CEP43: variants seen among roughly 807,000 people sequenced by gnomAD.
CEP43 encodes the protein centrosomal protein 43, also known as FGFR1 oncogene partner.
CEP43 carries 36 observed loss-of-function variants against 52.6 expected under a neutral mutation model. That is an observed-to-expected ratio of 0.68 (90% CI 0.52 to 0.90). CEP43 has a LOEUF of 0.90. Among genes scored for constraint, CEP43 ranks in the 40% least tolerant of loss-of-function variants. The pLI is 0.00. For missense variants in CEP43, 506 were observed against 472.8 expected (o/e 1.07, Z -0.65); for synonymous variants, 192 against 172.4 (o/e 1.11, Z -0.89).
In CEP43 at chr6:167,010,881, A is replaced by G. The variant is rs1330769257; in HGVS notation, c.507A>G (p.Thr169=). The change falls in exon 6 of 13, where the codon ACA becomes ACG. Residue 169 remains threonine, a synonymous_variant. Coordinates refer to ENST00000366847, the MANE Select transcript of CEP43 (RefSeq NM_007045.4). ...KSPEGKTSAQ[T]TPSKIPRYKG... ...CAGAGGGAAAAACAAGTGCACAGAC[A>G]ACACCAAGTAAGGTGAGTTAGCTGT... The G allele has an allele frequency of 1.3e-6, 2 of 1,594,768 alleles. No individual in the cohort carries two copies. Among genetic ancestry groups the G allele is most frequent in the Non-Finnish European group, 1.7e-6 (2 of 1,170,328 alleles).
Position 167,000,100 on chromosome 6 carries a change from A to C in CEP43, c.143A>C (p.Gln48Pro). 6.2e-7 allele frequency: 1 copy of C among 1,612,534 alleles called. No individual in the cohort carries two copies. The highest frequency in any genetic ancestry group is 1.1e-5 in the South Asian group (1 of 90,962). ...GCTGTGTTTTTAGCACTAGAGGAGC[A>C]AGAAAAAGTAGAGGTATGAAGTTTC... ...RAAVFLALEE[Q>P]EKVENKTPLV... Residue 48 changes from glutamine to proline, a missense_variant, in exon 2 of 13, where the codon CAA becomes CCA. Physicochemically the swap from Gln to Pro is moderately conservative, Grantham distance 76. Coordinates refer to ENST00000366847, the MANE Select transcript of CEP43 (RefSeq NM_007045.4).
At position 167,024,153 on chromosome 6, in the gene CEP43, CATT is replaced by C. The variant is rs143411038; in HGVS notation, c.807-628_807-626del. Among the ~76,000 whole-genome samples the C allele has an allele frequency of 3.1e-3, 470 of 152,174 alleles. 5 individuals carry two copies. The highest frequency in any genetic ancestry group is 8.3e-3 in the African/African-American group (346 of 41,494). ...GGAAAAGTGGAGAGCGTGTGGGTCT[CATT>C]GTAGGCAGGGGGTGGATATGATGGT... On this transcript the variant is annotated intron_variant, in intron 8 of 12. Coordinates refer to ENST00000366847, the MANE Select transcript of CEP43 (RefSeq NM_007045.4).
chr6:167,016,403 C>T (rs73026238), intron 7 of CEP43, among the ~76,000 whole-genome samples: 3,083 of 152,236 alleles, frequency 0.02, 51 homozygotes, highest in East Asian at 0.092. Flanking sequence ...CAGGTGCATG[C>T]CAGCACAGCT....
chr6:167,005,812 C>T (rs984410248), intron 5 of CEP43, among the ~76,000 whole-genome samples: 3 of 152,236 alleles, frequency 2.0e-5, no homozygotes, highest in African/African-American at 4.8e-5. Context: ...TTTCCCCTCT[C>T]GGCTTCTGTG....
chr6:167,007,701 C>G (rs922898790), intron 5 of CEP43, among the ~76,000 whole-genome samples: 1 of 152,180 alleles, frequency 6.6e-6, no homozygotes, highest in African/African-American at 2.4e-5. Flanking sequence ...AGGTTAAGCT[C>G]ACTGAACTAA....
chr6:166,999,546 G>A, intron 1 of CEP43, 32 bp downstream of exon 1: 1 of 1,350,686 alleles, frequency 7.4e-7, no homozygotes, highest in Non-Finnish European at 9.7e-7. Flanking sequence ...GGGCCTGGCG[G>A]ATCCGCAGGG....
chr6:167,013,229 T>C (rs907261128), intron 6 of CEP43, among the ~76,000 whole-genome samples: 3 of 152,190 alleles, frequency 2.0e-5, no homozygotes, highest in Non-Finnish European at 4.4e-5. Context: ...TGCTAAAATG[T>C]AGCATGAAAG....
chr6:167,014,782 T>C (rs981821262), intron 7 of CEP43, among the ~76,000 whole-genome samples: 17 of 152,238 alleles, frequency 1.1e-4, no homozygotes, highest in African/African-American at 3.9e-4. Context: ...GTGAAAGTTA[T>C]TGTGTGTTAA....
At chr6:167,005,967 A>G (rs1008508506) in intron 5 of CEP43, among the ~76,000 whole-genome samples, 3 of 152,198 alleles carry the variant, frequency 2.0e-5, no homozygotes, top group Admixed American at 6.5e-5. Flanking sequence ...TACCACTAGC[A>G]TGGACTCTGG....
chr6:167,003,996 C>A, intron 4 of CEP43, 185 bp downstream of exon 4: 1 of 589,334 alleles, frequency 1.7e-6, no homozygotes, highest in Non-Finnish European at 2.9e-6. Context: ...AGTGTTGCTG[C>A]TTTGTGTTAC....
chr6:167,041,673 G>A lies in CEP43; in HGVS notation c.*1695G>A, dbSNP rs952462539. ...ATGATTTGAAAGCATAGCAGGATGTGGCTTTTTAAATTTATGAAACTTTCG... is the reference window on the plus strand; with the variant it reads ...ATGATTTGAAAGCATAGCAGGATGTAGCTTTTTAAATTTATGAAACTTTCG... On this transcript the variant is annotated 3_prime_UTR_variant, in exon 13 of 13. Coordinates refer to ENST00000366847, the MANE Select transcript of CEP43 (RefSeq NM_007045.4). The A allele has an allele frequency of 7.7e-6, 8 of 1,043,116 alleles. No homozygotes were observed. Among genetic ancestry groups the A allele is most frequent in the African/African-American group, 5.0e-5 (3 of 59,774 alleles). The allele number at this position is 1,043,116 out of a possible 1,614,324, so 64.6% of individuals were successfully genotyped here.
Position 167,040,524 on chromosome 6 carries a change from T to C in CEP43, c.*546T>C. 2 of 1,115,262 alleles carry C rather than the reference T, an allele frequency of 1.8e-6. No homozygotes were observed. Among genetic ancestry groups the C allele is most frequent in the Non-Finnish European group, 2.2e-6 (2 of 907,856 alleles). 69.1% of individuals were successfully genotyped at this position (1,115,262 alleles called of 1,614,324 possible). The stretch of plus-strand genomic sequence containing the variant: ...CAACTTTATTTTGTATTTCCTTCCA[T>C]TTGGAAGGTTTGTTAGACCATTAAG... On this transcript the variant is annotated 3_prime_UTR_variant, in exon 13 of 13. Coordinates refer to ENST00000366847, the MANE Select transcript of CEP43 (RefSeq NM_007045.4).
intron 10 of CEP43, chr6:167,027,773 C>T (rs530693530): frequency 5.0e-6 from 3 of 597,750 alleles, no homozygotes; most frequent in East Asian, 2.8e-4. Context: ...ATTTAAATAT[C>T]TCTTCATATG....
Position 167,041,900 on chromosome 6 carries a change from T to C in CEP43, c.*1922T>C, listed in dbSNP as rs1645830088. 4.2e-6 allele frequency: 3 copies of C among 712,644 alleles called. No individual in the cohort carries two copies. Among genetic ancestry groups the C allele is most frequent in the Admixed American group, 1.2e-4 (2 of 16,348 alleles). The allele number at this position is 712,644 out of a possible 1,614,324, so 44.1% of individuals were successfully genotyped here. A position where few individuals can be genotyped will look rare whatever the true frequency, so the allele number is the denominator to read the frequency against. The stretch of plus-strand genomic sequence containing the variant: ...GTACAGTGATGCGATCTCGGCTCAC[T>C]GCAACCTCCGCCTCCTGGGTTCAAG... On this transcript the variant is annotated 3_prime_UTR_variant, in exon 13 of 13. Coordinates refer to ENST00000366847, the MANE Select transcript of CEP43 (RefSeq NM_007045.4).
At chr6:167,037,047 C>A (rs1241559562) in intron 12 of CEP43, among the ~76,000 whole-genome samples, 1 of 152,178 alleles carries the variant, frequency 6.6e-6, no homozygotes, top group Non-Finnish European at 1.5e-5. Flanking sequence ...CTCTTGTGAT[C>A]CCCCCGCCTT....
In CEP43 at chr6:167,003,823, G is replaced by T; in HGVS notation, c.300+12G>T. On this transcript the variant is annotated intron_variant, in intron 4 of 12. Coordinates refer to ENST00000366847, the MANE Select transcript of CEP43 (RefSeq NM_007045.4). ...CTGAAACTAGCACAGTAAGAATAAT[G>T]ATTTTTACATCTATCTTTTGAAACC... The T allele has an allele frequency of 6.7e-7, 1 of 1,491,502 alleles. No homozygotes were observed. The highest frequency in any genetic ancestry group is 1.1e-5 in the South Asian group (1 of 87,126). The allele number at this position is 1,491,502 out of a possible 1,614,324, so 92.4% of individuals were successfully genotyped here. A position where few individuals can be genotyped will look rare whatever the true frequency, so the allele number is the denominator to read the frequency against.
At chr6:167,000,877 C>T (rs1156364514) in intron 2 of CEP43, among the ~76,000 whole-genome samples, 3 of 151,810 alleles carry the variant, frequency 2.0e-5, no homozygotes, top group Non-Finnish European at 4.4e-5. Context: ...TCTCAGTGGT[C>T]ATTTAACCCA....
At chr6:167,033,358 C>T (rs773782763) in intron 11 of CEP43, among the ~76,000 whole-genome samples, 1 of 152,084 alleles carries the variant, frequency 6.6e-6, no homozygotes, top group East Asian at 1.9e-4. Flanking sequence ...ATCCACCCAC[C>T]TGGGCCTCCC....
At chr6:167,024,285 AAAGT>A (rs571747392) in intron 8 of CEP43, among the ~76,000 whole-genome samples, 146 of 152,278 alleles carry the variant, frequency 9.6e-4, no homozygotes, top group African/African-American at 3.3e-3. Context: ...TTTCTATAAG[AAAGT>A]AAGGCGAGAA....
Sources: gnomAD v4.1 joint callset for allele counts (sites outside exome capture counted in the v4.1 genomes callset) on GRCh38, gnomAD v4.1.1 for gene constraint, MANE v1.5 for transcripts, NCBI Gene and HGNC (gene_info 2026-07-23, HGNC 2026-07-21) for gene names.